PGM2: variants seen among roughly 807,000 people sequenced by gnomAD.
PGM2 encodes the protein phosphopentomutase.
In PGM2, 57 loss-of-function variants were observed where a neutral mutation model predicts 74.6. The observed-to-expected ratio is 0.76, with a 90% CI of 0.62 to 0.95. The LOEUF (loss-of-function observed/expected upper bound fraction) is 0.95. Among genes scored for constraint, PGM2 ranks in the 40% least tolerant of loss-of-function variants. The pLI is 0.00. For synonymous variants in PGM2, 273 were observed against 260.7 expected (o/e 1.05, Z -0.46); for missense variants, 706 against 741.9 (o/e 0.95, Z 0.56).
At chr4:37,856,123 C>A (rs924927697) in intron 13 of PGM2, among the ~76,000 whole-genome samples, 1 of 152,144 alleles carries the variant, frequency 6.6e-6, no homozygotes, top group Admixed American at 6.5e-5. Context: ...CGGTGGCTTA[C>A]ACCTGTAATC....
intron 13 of PGM2, among the ~76,000 whole-genome samples, chr4:37,859,075 T>C (rs1184955539): frequency 6.6e-6 from 1 of 152,196 alleles, no homozygotes; most frequent in Admixed American, 6.6e-5. Flanking sequence ...TAAAACTACA[T>C]GAACCACAGT....
chr4:37,843,562 C>G (rs1725785789), intron 6 of PGM2, among the ~76,000 whole-genome samples: 1 of 151,776 alleles, frequency 6.6e-6, no homozygotes, highest in African/African-American at 2.4e-5. Context: ...TGGTATCAAA[C>G]AGGATTGTTA....
At chr4:37,848,405 A>C in intron 10 of PGM2, 117 bp from the exon 11 acceptor site, 2 of 815,800 alleles carry the variant, frequency 2.5e-6, no homozygotes, top group Non-Finnish European at 3.8e-6. Context: ...GGTATTAATG[A>C]GAAATGTGCA....
At chr4:37,850,486 G>A (rs974883363) in intron 12 of PGM2, 113 bp downstream of exon 12, 18 of 626,026 alleles carry the variant, frequency 2.9e-5, no homozygotes, top group Admixed American at 2.5e-4. Flanking sequence ...GCACTTAGGC[G>A]TGATTATAAA....
intron 13 of PGM2, among the ~76,000 whole-genome samples, chr4:37,858,999 T>TCAGAATGTGGTAAGTAAG (rs1378534894): frequency 1.3e-5 from 2 of 152,272 alleles, no homozygotes; most frequent in East Asian, 3.9e-4. Context: ...TCACCACTAC[T>TCAGAATGTGGTAAGTAAG]CAGCTCTGCT....
At chr4:37,859,358 T>C (rs531014277) in intron 13 of PGM2, among the ~76,000 whole-genome samples, 11 of 152,128 alleles carry the variant, frequency 7.2e-5, no homozygotes, top group East Asian at 1.9e-4. Context: ...TATTAAGAGA[T>C]TGTTTGCAAG....
chr4:37,839,316 T>C (rs1320480765), intron 4 of PGM2, among the ~76,000 whole-genome samples: 1 of 151,960 alleles, frequency 6.6e-6, no homozygotes, highest in African/African-American at 2.4e-5. Context: ...GGTTTCACCA[T>C]GTTGGCCAGG....
In PGM2 at chr4:37,850,169, G is replaced by T; in HGVS notation, c.1413-15G>T. 1 of 1,443,612 alleles carries T rather than the reference G, an allele frequency of 6.9e-7. No individual in the cohort carries two copies. The highest frequency in any genetic ancestry group is 9.5e-7 in the Non-Finnish European group (1 of 1,056,218). The allele number at this position is 1,443,612 out of a possible 1,614,324, so 89.4% of individuals were successfully genotyped here. ...ATTTGTTCCTCATGTGCATGAATTT[G>T]TATTTGTTTGATAGGTATGGCTACC... On this transcript the variant is annotated splice_polypyrimidine_tract_variant and intron_variant, in intron 11 of 13. Transcript: ENST00000381967.
At position 37,840,056 on chromosome 4, in the gene PGM2, G is replaced by T; in HGVS notation, c.526-10G>T. The stretch of plus-strand genomic sequence containing the variant: ...TGTAAACCTTCTGAATGTGTTCCTG[G>T]GTCCTCTAGGTCTATTGGGATAATG... On this transcript the variant is annotated splice_polypyrimidine_tract_variant and intron_variant, in intron 5 of 13. Coordinates refer to ENST00000381967, the MANE Select transcript of PGM2 (RefSeq NM_018290.4). The T allele has an allele frequency of 6.2e-7, 1 of 1,607,638 alleles. No individual in the cohort carries two copies. The highest frequency in any genetic ancestry group is 8.5e-7 in the Non-Finnish European group (1 of 1,175,044).
At chr4:37,845,345 A>G (rs536644790) in intron 7 of PGM2, among the ~76,000 whole-genome samples, 78 of 152,294 alleles carry the variant, frequency 5.1e-4, no homozygotes, top group Non-Finnish European at 8.8e-4. Context: ...TACCAGTCCA[A>G]CCACAGACCT....
At position 37,826,780 on chromosome 4, in the gene PGM2, C is replaced by A. The variant is rs201469651; in HGVS notation, c.48C>A (p.Asp16Glu). The change falls in exon 1 of 14, where the codon GAC becomes GAA. Residue 16 changes from aspartate to glutamate, a missense_variant. Asp to Glu is a conservative substitution (Grantham distance 45). Around this residue, in one of 3 missense-constraint regions of PGM2, gnomAD observed 332 missense variants for 334.9 expected, o/e 0.99. Transcript: ENST00000381967. ...GTCTAGGCGAGGACGCCCGGCTGGA[C>A]CAGGAGACCGCCCAGTGGCTGCGCT... is the stretch of plus-strand genomic sequence containing the variant. The part of the protein sequence containing the change: ...GSGLGEDARL[D>E]QETAQWLRWD... 5.1e-4 allele frequency: 787 copies of A among 1,549,284 alleles called. 1 individual carries two copies. The highest frequency in any genetic ancestry group is 6.4e-4 in the Non-Finnish European group (731 of 1,146,178).
chr4:37,829,218 A>C (rs1471787181), intron 1 of PGM2, among the ~76,000 whole-genome samples: 1 of 152,214 alleles, frequency 6.6e-6, no homozygotes, highest in African/African-American at 2.4e-5. Flanking sequence ...TAATGAACTT[A>C]AATGAATCAT....
At chr4:37,827,925 C>T (rs893805213) in intron 1 of PGM2, among the ~76,000 whole-genome samples, 3 of 152,316 alleles carry the variant, frequency 2.0e-5, no homozygotes, top group Non-Finnish European at 4.4e-5. Context: ...GTGGCCAGGC[C>T]TCTCTATTCT....
chr4:37,855,240 C>G (rs922597404), intron 12 of PGM2, among the ~76,000 whole-genome samples: 1 of 152,044 alleles, frequency 6.6e-6, no homozygotes, highest in Non-Finnish European at 1.5e-5. Flanking sequence ...CTATTCTGCT[C>G]TCTGCCTCTG....
chr4:37,860,359 G>A (rs1711725588), intron 13 of PGM2, among the ~76,000 whole-genome samples: 1 of 152,178 alleles, frequency 6.6e-6, no homozygotes, highest in African/African-American at 2.4e-5. Context: ...CATTTATTGA[G>A]GTCTTTGGGC....
rs774892570 is a variant in PGM2, at chr4:37,830,113, C to T, written c.231C>T (p.Thr77=). 2 of 1,589,256 alleles carry T rather than the reference C, an allele frequency of 1.3e-6. No homozygotes were observed. Among genetic ancestry groups the T allele is most frequent in the Non-Finnish European group, 1.7e-6 (2 of 1,168,008 alleles). ...GAATTTCTCGTATGAATGACTTGAC[C>T]ATCATCCAGACTACACAGGTACCAT... ...GPGISRMNDL[T]IIQTTQGFCR... Residue 77 remains threonine (T), a synonymous_variant, in exon 2 of 14, where the codon ACC becomes ACT. Transcript: ENST00000381967.
At chr4:37,851,232 C>A (rs759336882) in intron 12 of PGM2, among the ~76,000 whole-genome samples, 3 of 152,190 alleles carry the variant, frequency 2.0e-5, no homozygotes, top group African/African-American at 4.8e-5. Flanking sequence ...CTGGAGCCCA[C>A]ACCTGGACTT....
At chr4:37,857,381 CT>C (rs1711561042) in intron 13 of PGM2, among the ~76,000 whole-genome samples, 1 of 152,128 alleles carries the variant, frequency 6.6e-6, no homozygotes, top group African/African-American at 2.4e-5. Context: ...TCCTGAGCAT[CT>C]TAAATTGCCA....
chr4:37,859,064 G>A (rs1711667308), intron 13 of PGM2, among the ~76,000 whole-genome samples: 3 of 152,182 alleles, frequency 2.0e-5, no homozygotes, highest in Non-Finnish European at 1.5e-5. Flanking sequence ...CTGTGTTCCA[G>A]TAAAACTACA....
Sources: allele counts gnomAD v4.1 joint callset (sites outside exome capture counted in the v4.1 genomes callset), GRCh38; gene constraint gnomAD v4.1.1; regional missense constraint gnomAD v4.1.1; transcripts MANE v1.5; gene names NCBI Gene and HGNC (gene_info 2026-07-23, HGNC 2026-07-21).